The following USP37 variants were observed in gnomAD, a reference collection of about 807,000 sequenced individuals.
USP37 encodes ubiquitin carboxyl-terminal hydrolase 37.
USP37 carries 27 observed loss-of-function variants against 124.0 expected under a neutral mutation model. The ratio of observed to expected loss-of-function variants is 0.22; its 90% CI spans 0.16 to 0.30. USP37 has a LOEUF of 0.30. USP37 is among the 10% of genes least tolerant of loss of function. The pLI, the probability that USP37 is intolerant of heterozygous loss-of-function variation, is 1.00. For synonymous variants in USP37, 365 were observed against 388.0 expected (o/e 0.94, Z 0.70); for missense variants, 889 against 1,140.4 (o/e 0.78, Z 3.17).
intron 11 of USP37, among the ~76,000 whole-genome samples, chr2:218,507,289 C>G (rs1048140338): frequency 7.2e-5 from 11 of 151,950 alleles, no homozygotes; most frequent in Non-Finnish European, 2.9e-5. Flanking sequence ...TCCCAAGTAG[C>G]TGGGATTACA....
chr2:218,540,659 T>C (rs78576627), intron 8 of USP37, among the ~76,000 whole-genome samples: 2,472 of 152,266 alleles, frequency 0.016, 31 homozygotes, highest in South Asian at 0.052. Flanking sequence ...ACAAAACTTA[T>C]GAATTATTTA....
chr2:218,478,453 T>G (rs1174634386), intron 18 of USP37, among the ~76,000 whole-genome samples: 1 of 152,132 alleles, frequency 6.6e-6, no homozygotes, highest in Non-Finnish European at 1.5e-5. Flanking sequence ...CAAAGGACAT[T>G]GTAGAAGAAT....
intron 22 of USP37, among the ~76,000 whole-genome samples, chr2:218,460,485 T>C (rs1281739472): frequency 6.6e-6 from 1 of 152,156 alleles, no homozygotes; most frequent in Non-Finnish European, 1.5e-5. Context: ...ATAAGAAAGA[T>C]ATAAAACTAG....
chr2:218,467,783 C>T (rs1690435183), intron 20 of USP37, among the ~76,000 whole-genome samples: 1 of 152,022 alleles, frequency 6.6e-6, no homozygotes, highest in South Asian at 2.1e-4. Flanking sequence ...CCCTCCCGGC[C>T]TGTTCCTTCT....
intron 6 of USP37, among the ~76,000 whole-genome samples, chr2:218,549,156 C>A (rs987547023): frequency 6.6e-6 from 1 of 152,088 alleles, no homozygotes; most frequent in Non-Finnish European, 1.5e-5. Context: ...ATTTTAAGGA[C>A]ATATGTAAGT....
At chr2:218,485,780 T>A (rs1428450082) in intron 15 of USP37, 37 bp from the exon 16 acceptor site, 320 of 1,465,774 alleles carry the variant, frequency 2.2e-4, no homozygotes, top group Non-Finnish European at 2.8e-4. Flanking sequence ...TGAAGGTGAA[T>A]CAGCATTAGT....
Position 218,566,244 on chromosome 2 carries a change from C to G in USP37, c.-230+1934G>C, listed in dbSNP as rs151271183. 2.5e-3 allele frequency among the ~76,000 whole-genome samples: 377 copies of G among 152,200 alleles called. 1 individual carries two copies. The highest frequency in any genetic ancestry group is 8.4e-3 in the African/African-American group (348 of 41,518). The stretch of plus-strand genomic sequence containing the variant: ...GTGGTGCTGGAACAATCCAGGCAAA[C>G]AGCATCCCCAAAGGCCTTGAATTGT... On this transcript the variant is annotated intron_variant, in intron 1 of 25. Coordinates refer to ENST00000258399, the MANE Select transcript of USP37 (RefSeq NM_020935.3).
At chr2:218,496,310 A>C (rs1429315125) in intron 13 of USP37, among the ~76,000 whole-genome samples, 2 of 150,948 alleles carry the variant, frequency 1.3e-5, no homozygotes, top group Non-Finnish European at 2.9e-5. Flanking sequence ...AAGAAAAAAA[A>C]ACCAACAACA....
At chr2:218,497,320 C>T (rs1689135220) in intron 13 of USP37, among the ~76,000 whole-genome samples, 1 of 151,118 alleles carries the variant, frequency 6.6e-6, no homozygotes, top group Non-Finnish European at 1.5e-5. Flanking sequence ...ATCCACCCAC[C>T]GTGGCCTCCC....
At chr2:218,498,641 C>T (rs570181077) in intron 11 of USP37, among the ~76,000 whole-genome samples, 2 of 152,074 alleles carry the variant, frequency 1.3e-5, no homozygotes, top group African/African-American at 2.4e-5. Context: ...GCACGAGAAT[C>T]GCTTGAACCC....
intron 20 of USP37, among the ~76,000 whole-genome samples, chr2:218,472,462 C>G (rs1427449021): frequency 6.6e-6 from 1 of 151,716 alleles, no homozygotes; most frequent in East Asian, 1.9e-4. Context: ...GCCTGAATCT[C>G]TCTCTCTTTT....
At chr2:218,467,134 T>G (rs1019586143) in intron 20 of USP37, among the ~76,000 whole-genome samples, 2 of 151,866 alleles carry the variant, frequency 1.3e-5, no homozygotes, top group Admixed American at 6.6e-5. Flanking sequence ...CAATATACAG[T>G]GTGTGTTTAA....
intron 6 of USP37, among the ~76,000 whole-genome samples, chr2:218,548,251 T>C (rs951270055): frequency 3.3e-5 from 5 of 152,178 alleles, no homozygotes; most frequent in Non-Finnish European, 7.4e-5. Context: ...TTACTTTTTG[T>C]TATACAAACA....
At chr2:218,561,190 A>G (rs905243005) in intron 2 of USP37, among the ~76,000 whole-genome samples, 3 of 152,170 alleles carry the variant, frequency 2.0e-5, no homozygotes, top group African/African-American at 7.2e-5. Flanking sequence ...TTGTGACTTT[A>G]TTGTTGGATA....
intron 19 of USP37, 81 bp downstream of exon 19, chr2:218,476,759 A>G: frequency 7.0e-7 from 1 of 1,420,018 alleles, no homozygotes; most frequent in Non-Finnish European, 9.3e-7. Context: ...AATTAGTTTG[A>G]TGATGGTTAT....
intron 5 of USP37, among the ~76,000 whole-genome samples, chr2:218,550,946 C>T (rs1692637259): frequency 6.6e-6 from 1 of 152,086 alleles, no homozygotes; most frequent in African/African-American, 2.4e-5. Context: ...TTTTTTAACA[C>T]AAGTTTTCAA....
chr2:218,474,640 G>C lies in USP37; in HGVS notation c.2289C>G (p.Ile763Met), dbSNP rs779145990. 6.2e-7 allele frequency: 1 copy of C among 1,614,122 alleles called. No homozygotes were observed. Among genetic ancestry groups the C allele is most frequent in the Non-Finnish European group, 8.5e-7 (1 of 1,180,034 alleles). ...DTMETEKPKT[I>M]TELDPASFTE... is the part of the protein sequence containing the mutation. ...CTTCATTAAACCTACCCAGCTCTGT[G>C]ATTGTTTTGGGCTTCTCAGTTTCCA... Residue 763 changes from isoleucine to methionine, a missense_variant, in exon 20 of 26, where the codon ATC (isoleucine) becomes ATG (methionine). Physicochemically the swap from Ile to Met is conservative, Grantham distance 10. Around this residue, in one of 3 missense-constraint regions of USP37, gnomAD observed 504 missense variants for 714.3 expected, o/e 0.71. Coordinates refer to ENST00000258399, the MANE Select transcript of USP37 (RefSeq NM_020935.3).
chr2:218,530,698 C>G (rs1312809329), intron 9 of USP37, among the ~76,000 whole-genome samples: 1 of 152,174 alleles, frequency 6.6e-6, no homozygotes, highest in Non-Finnish European at 1.5e-5. Flanking sequence ...AGGATGAAAG[C>G]TAGGCCTTTT....
intron 10 of USP37, among the ~76,000 whole-genome samples, chr2:218,512,973 T>C (rs1425665047): frequency 6.6e-6 from 1 of 152,148 alleles, no homozygotes. Flanking sequence ...TTTCTTGAAT[T>C]TTATGATGCA....
Sources: allele counts gnomAD v4.1 joint callset (sites outside exome capture counted in the v4.1 genomes callset), GRCh38; gene constraint gnomAD v4.1.1; regional missense constraint gnomAD v4.1.1; transcripts MANE v1.5; gene names NCBI Gene and HGNC (gene_info 2026-07-23, HGNC 2026-07-21).